Variants in IREB2 observed in about 807,000 individuals in gnomAD.
IREB2 encodes the protein iron-responsive element-binding protein 2.
Under a neutral mutation model 118.8 loss-of-function variants are expected in IREB2, and 39 were observed. The ratio of observed to expected loss-of-function variants is 0.33; its 90% CI spans 0.25 to 0.43. The LOEUF is 0.43. Among genes scored for constraint, IREB2 ranks in the 20% least tolerant of loss-of-function variants. The pLI is 1.00. For missense variants in IREB2, 900 were observed against 1,147.3 expected, an observed-to-expected ratio of 0.78 and a Z score of 3.11; for synonymous variants, 372 against 392.2, an observed-to-expected ratio of 0.95 and a Z score of 0.61.
Position 78,470,538 on chromosome 15 carries a change from A to G in IREB2, c.636A>G (p.Glu212=). 6.3e-7 allele frequency: 1 copy of G among 1,592,044 alleles called. No homozygotes were observed. The highest frequency in any genetic ancestry group is 8.6e-7 in the Non-Finnish European group (1 of 1,164,886). ...PFHLQPVPEP[E]TVLKNQEVEF... Reference sequence around the variant, plus strand: ...CAGCTCTTCTTCCTTTTAGACCTGAAACAGTGTTAAAAAATCAAGAAGTAG... The same window carrying G: ...CAGCTCTTCTTCCTTTTAGACCTGAGACAGTGTTAAAAAATCAAGAAGTAG... The change falls in exon 6 of 22, where the codon GAA becomes GAG. Residue 212 remains glutamate, a synonymous_variant. Transcript: ENST00000258886.
At chr15:78,476,474 T>A in intron 9 of IREB2, 115 bp downstream of exon 9, 12 of 730,072 alleles carry the variant, frequency 1.6e-5, no homozygotes, top group Non-Finnish European at 2.5e-5. Context: ...TTACATTATG[T>A]TGAAACAACA....
chr15:78,476,415 A>C (rs763549267), intron 9 of IREB2, 56 bp downstream of exon 9: 1 of 1,222,644 alleles, frequency 8.2e-7, no homozygotes, highest in Admixed American at 2.4e-5. Context: ...TGTGTTTGAT[A>C]ATATTTTATA....
intron 2 of IREB2, among the ~76,000 whole-genome samples, chr15:78,445,350 C>T (rs543281631): frequency 6.6e-6 from 1 of 152,280 alleles, no homozygotes; most frequent in African/African-American, 2.4e-5. Flanking sequence ...GCTGGCCAGG[C>T]TGGTCTCGGA....
At chr15:78,479,748 T>G (rs559646603) in intron 10 of IREB2, among the ~76,000 whole-genome samples, 1 of 152,260 alleles carries the variant, frequency 6.6e-6, no homozygotes, top group African/African-American at 2.4e-5. Context: ...TAAAGATATT[T>G]TACAATCTAA....
intron 4 of IREB2, among the ~76,000 whole-genome samples, chr15:78,465,934 G>A (rs2051273940): frequency 1.3e-5 from 2 of 152,110 alleles, no homozygotes; most frequent in Non-Finnish European, 2.9e-5. Context: ...TTTTGCCCTC[G>A]AGATAAACTG....
chr15:78,458,418 C>A (rs1024963830), intron 2 of IREB2, among the ~76,000 whole-genome samples: 1 of 152,044 alleles, frequency 6.6e-6, no homozygotes, highest in African/African-American at 2.4e-5. Context: ...ATCTCTATAC[C>A]TTCCTCTCAG....
intron 6 of IREB2, 88 bp downstream of exon 6, chr15:78,470,689 CTTTTTTTTTTTTT>C (rs67871183): frequency 4.8e-6 from 1 of 209,426 alleles, no homozygotes; most frequent in Non-Finnish European, 8.4e-6. Flanking sequence ...TTTTCTTTTC[CTTTTTTTTTTTTT>C]TTTTTTTTTT....
chr15:78,438,399 C>G, intron 1 of IREB2, 43 bp downstream of exon 1: 2 of 1,584,782 alleles, frequency 1.3e-6, no homozygotes, highest in South Asian at 1.2e-5. Context: ...GTTGGAAACG[C>G]GCGCTGCCTA....
intron 2 of IREB2, among the ~76,000 whole-genome samples, chr15:78,443,426 T>G: frequency 6.6e-6 from 1 of 152,230 alleles, no homozygotes; most frequent in Admixed American, 6.5e-5. Flanking sequence ...ACCTGATGCC[T>G]TCTCTTATTC....
chr15:78,488,424 A>G (rs558341422), intron 15 of IREB2, 88 bp downstream of exon 15: 17 of 1,142,836 alleles, frequency 1.5e-5, no homozygotes, highest in Admixed American at 1.1e-4. Context: ...TAGACCATCT[A>G]TTCTTTGAAT....
chr15:78,498,614 G>C lies in IREB2; in HGVS notation c.*471G>C, dbSNP rs1361380843. On this transcript the variant is annotated 3_prime_UTR_variant, in exon 22 of 22. Coordinates refer to ENST00000258886, the MANE Select transcript of IREB2 (RefSeq NM_004136.4). The stretch of plus-strand genomic sequence containing the variant: ...TCTCATTTATAAATGGACCTTTTAA[G>C]TATATTAATTCCTCTTCAGAATTGA... 1.3e-5 allele frequency: 2 copies of C among 153,226 alleles called. No individual in the cohort carries two copies. The highest frequency in any genetic ancestry group is 4.8e-5 in the African/African-American group (2 of 41,418). The allele number at this position is 153,226 out of a possible 1,614,324, so 9.5% of individuals were successfully genotyped here.
intron 2 of IREB2, among the ~76,000 whole-genome samples, chr15:78,450,347 A>G (rs775693848): frequency 6.6e-6 from 1 of 152,252 alleles, no homozygotes; most frequent in Non-Finnish European, 1.5e-5. Context: ...ATAATTGTAT[A>G]TAATACTGTA....
chr15:78,484,984 T>A (rs1235896917), intron 12 of IREB2, 64 bp downstream of exon 12: 2 of 1,475,932 alleles, frequency 1.4e-6, no homozygotes, highest in East Asian at 2.3e-5. Context: ...TTTCTGTTAT[T>A]GTAACTTTGT....
At chr15:78,476,451 A>G (rs2051472979) in intron 9 of IREB2, 92 bp downstream of exon 9, 2 of 891,172 alleles carry the variant, frequency 2.2e-6, no homozygotes, top group Non-Finnish European at 1.6e-6. Context: ...CATGTTATTT[A>G]CTATTCACAA....
chr15:78,472,219 CT>C (rs1315116830), intron 7 of IREB2, among the ~76,000 whole-genome samples: 1 of 152,146 alleles, frequency 6.6e-6, no homozygotes, highest in Non-Finnish European at 1.5e-5. Flanking sequence ...GTGTAAGGTA[CT>C]TTTGTGGCTT....
intron 5 of IREB2, among the ~76,000 whole-genome samples, chr15:78,467,523 C>A (rs1254199917): frequency 1.3e-5 from 2 of 152,096 alleles, no homozygotes; most frequent in Admixed American, 6.6e-5. Flanking sequence ...GAAACCCCAT[C>A]TCTACTAAAA....
chr15:78,460,871 C>T (rs960820756), intron 2 of IREB2, among the ~76,000 whole-genome samples: 2 of 151,840 alleles, frequency 1.3e-5, no homozygotes, highest in African/African-American at 2.4e-5. Context: ...AATTAACGTG[C>T]GCTATTGGAA....
At chr15:78,470,383 A>T (rs944820171) in intron 5 of IREB2, 149 bp from the exon 6 acceptor site, 6 of 493,254 alleles carry the variant, frequency 1.2e-5, no homozygotes, top group Non-Finnish European at 2.2e-5. Flanking sequence ...GAAAAAGAAA[A>T]TAATTCTGAG....
chr15:78,478,081 T>TAAAAA (rs531329014), intron 9 of IREB2, among the ~76,000 whole-genome samples: 2 of 126,550 alleles, frequency 1.6e-5, no homozygotes, highest in Non-Finnish European at 3.4e-5. Flanking sequence ...AAAACATTTG[T>TAAAAA]AAAAAAAAAA....
Sources: allele counts gnomAD v4.1 joint callset (sites outside exome capture counted in the v4.1 genomes callset), GRCh38; gene constraint gnomAD v4.1.1; transcripts MANE v1.5; gene names NCBI Gene and HGNC (gene_info 2026-07-23, HGNC 2026-07-21).